The following CHST5 variants were observed in gnomAD, a reference collection of about 807,000 sequenced individuals.
CHST5 encodes the protein carbohydrate sulfotransferase 5.
For missense variants in CHST5, 637 were observed against 602.1 expected (o/e 1.06, Z -0.61); for synonymous variants, 313 against 279.2 (o/e 1.12, Z -1.21).
In CHST5 at chr16:75,531,176, G is replaced by A. The variant is rs1446761966; in HGVS notation, c.-792C>T. On this transcript the variant is annotated 5_prime_UTR_variant, in exon 4 of 4. Transcript: ENST00000336257. The stretch of plus-strand genomic sequence containing the variant: ...TCTCTACTAAAAATACAAAAAATTA[G>A]CCAGGCGTGATGGTGGGCGCCTGTA... 1 of 608,566 alleles carries A rather than the reference G, an allele frequency of 1.6e-6. No homozygotes were observed. Among genetic ancestry groups the A allele is most frequent in the Non-Finnish European group, 2.1e-6 (1 of 478,674 alleles). The allele number at this position is 608,566 out of a possible 1,614,324, so 37.7% of individuals were successfully genotyped here. A position where few individuals can be genotyped will look rare whatever the true frequency, so the allele number is the denominator to read the frequency against.
rs1395822992 is a variant in CHST5, at chr16:75,530,795, T to A, written c.-411A>T. Reference sequence around the variant, plus strand: ...CGAGGTTGAATCCTGGCTCTGCCACTTCCTAGCCTATGATCTTGCTTATGA... The same window carrying A: ...CGAGGTTGAATCCTGGCTCTGCCACATCCTAGCCTATGATCTTGCTTATGA... On this transcript the variant is annotated 5_prime_UTR_variant, in exon 4 of 4. In the 5' UTR this introduces an upstream ATG that the reference lacks. Coordinates refer to ENST00000336257, the MANE Select transcript of CHST5 (RefSeq NM_024533.5). The A allele has an allele frequency of 9.7e-7, 1 of 1,026,396 alleles. No homozygotes were observed. Among genetic ancestry groups the A allele is most frequent in the Non-Finnish European group, 1.2e-6 (1 of 843,726 alleles). 63.6% of individuals were successfully genotyped at this position (1,026,396 alleles called of 1,614,324 possible). A position where few individuals can be genotyped will look rare whatever the true frequency, so the allele number is the denominator to read the frequency against.
In CHST5 at chr16:75,530,977, C is replaced by G; in HGVS notation, c.-593G>C. On this transcript the variant is annotated 5_prime_UTR_variant, in exon 4 of 4. Transcript: ENST00000336257. ...GTCATGCCCATAACTGAGGATTGCA[C>G]CTTTTACAAGGTGTGCTTCTGTATT... The G allele has an allele frequency of 1.0e-6, 1 of 1,002,124 alleles. No individual in the cohort carries two copies. Among genetic ancestry groups the G allele is most frequent in the Non-Finnish European group, 1.2e-6 (1 of 831,354 alleles). The allele number at this position is 1,002,124 out of a possible 1,614,324, so 62.1% of individuals were successfully genotyped here.
chr16:75,529,269 G>A lies in CHST5; in HGVS notation c.1116C>T (p.Ala372=), dbSNP rs777059070. The part of the protein sequence containing the change: ...TKILRVQEVC[A]GALQLLGYRP... ...GGTAGCCCAGCAGCTGCAGCGCGCC[G>A]GCGCACACCTCCTGCACGCGCAGGA... Residue 372 remains alanine, a synonymous_variant, in exon 4 of 4, where the codon GCC becomes GCT. Transcript: ENST00000336257. 5.6e-6 allele frequency: 9 copies of A among 1,612,972 alleles called. No homozygotes were observed. Among genetic ancestry groups the A allele is most frequent in the South Asian group, 5.5e-5 (5 of 91,062 alleles).
rs1473846993 is a variant in CHST5 at position 75,533,109 on chromosome 16, A to G, written c.-1277T>C. 1 of 702,032 alleles carries G rather than the reference A, an allele frequency of 1.4e-6. No homozygotes were observed. The allele number at this position is 702,032 out of a possible 1,614,324, so 43.5% of individuals were successfully genotyped here. On this transcript the variant is annotated 5_prime_UTR_variant, in exon 3 of 4. Coordinates refer to ENST00000336257, the MANE Select transcript of CHST5 (RefSeq NM_024533.5). Reference sequence around the variant, plus strand: ...GTTACCTGTGTTCCAGGAAAGCCAGAGGTCTTCTTAAGGTGGTTGAATCAC... The same window carrying G: ...GTTACCTGTGTTCCAGGAAAGCCAGGGGTCTTCTTAAGGTGGTTGAATCAC...
At chr16:75,534,624 G>C (rs1200538048) in intron 2 of CHST5, among the ~76,000 whole-genome samples, 3 of 152,190 alleles carry the variant, frequency 2.0e-5, no homozygotes, top group Non-Finnish European at 4.4e-5. Context: ...CTGGGTGACA[G>C]AGCGAGACTC....
At chr16:75,533,957 T>C (rs2080543024) in intron 2 of CHST5, among the ~76,000 whole-genome samples, 1 of 146,268 alleles carries the variant, frequency 6.8e-6, no homozygotes, top group African/African-American at 2.6e-5. Context: ...GAGAGTAGCT[T>C]GAACCCAGGA....
At chr16:75,535,564 T>C (rs74027409) in intron 1 of CHST5, among the ~76,000 whole-genome samples, 155 bp from the exon 2 acceptor site, 5,467 of 152,298 alleles carry the variant, frequency 0.036, 157 homozygotes, top group African/African-American at 0.08. Context: ...CCCTCGGCGC[T>C]GCCCCGCAAT....
rs1341769014 is a variant in CHST5, at chr16:75,530,037, G to T, written c.348C>A (p.Asp116Glu). 6.2e-7 allele frequency: 1 copy of T among 1,613,328 alleles called. No homozygotes were observed. Among genetic ancestry groups the T allele is most frequent in the African/African-American group, 1.3e-5 (1 of 74,940 alleles). Residue 116 changes from aspartate (D) to glutamate (E), a missense_variant, in exon 4 of 4, where the codon GAC (aspartate) becomes GAA (glutamate). Transcript: ENST00000336257. ...SAATLHMAVR[D>E]LMRSIFLCDM... ...CGCACAAAAAGATAGAGCGCATCAGGTCGCGCACGGCCATGTGCAGCGTTG... is the reference window on the plus strand; with the variant it reads ...CGCACAAAAAGATAGAGCGCATCAGTTCGCGCACGGCCATGTGCAGCGTTG...
Position 75,532,974 on chromosome 16 carries a change from T to C in CHST5, c.-1257+115A>G, listed in dbSNP as rs994029969. On this transcript the variant is annotated intron_variant, in intron 3 of 3. Coordinates refer to ENST00000336257, the MANE Select transcript of CHST5 (RefSeq NM_024533.5). ...GGCTGTGGGCCTCTCCCACCTGTGA[T>C]TGCCCCCTGCAGAGTGCAGGACCCT... is the stretch of plus-strand genomic sequence containing the variant. The C allele has an allele frequency of 6.0e-5, 34 of 564,778 alleles. 1 individual carries two copies. The highest frequency in any genetic ancestry group is 4.6e-4 in the Middle Eastern group (1 of 2,186). 35.0% of individuals were successfully genotyped at this position (564,778 alleles called of 1,614,324 possible). A position where few individuals can be genotyped will look rare whatever the true frequency, so the allele number is the denominator to read the frequency against.
In CHST5 at chr16:75,529,029, C is replaced by T; in HGVS notation, c.*120G>A. 8.7e-7 allele frequency: 1 copy of T among 1,148,310 alleles called. No homozygotes were observed. The highest frequency in any genetic ancestry group is 2.6e-5 in the East Asian group (1 of 38,488). The allele number at this position is 1,148,310 out of a possible 1,614,324, so 71.1% of individuals were successfully genotyped here. ...CCTTGCCTACTTCAGGGGAGGACCC[C>T]AAACTCCCGGTTGATAGTAGGGACC... On this transcript the variant is annotated 3_prime_UTR_variant, in exon 4 of 4. Transcript: ENST00000336257.
At position 75,529,395 on chromosome 16, in the gene CHST5, G is replaced by C. The variant is rs753391347; in HGVS notation, c.990C>G (p.His330Gln). 6.2e-7 allele frequency: 1 copy of C among 1,612,950 alleles called. No individual in the cohort carries two copies. Among genetic ancestry groups the C allele is most frequent in the Non-Finnish European group, 8.5e-7 (1 of 1,179,942 alleles). Residue 330 changes from histidine to glutamine, a missense_variant, in exon 4 of 4, where the codon CAC (histidine) becomes CAG (glutamine). By Grantham distance (24) the His-to-Gln change is conservative. Coordinates refer to ENST00000336257, the MANE Select transcript of CHST5 (RefSeq NM_024533.5). The part of the protein sequence containing the change: ...QLEAWIHNIT[H>Q]GSGIGKPIEA... ...CGATTGGCTTGCCGATCCCCGACCC[G>C]TGGGTGATGTTGTGGATCCAGGCCT...
At position 75,531,337 on chromosome 16, in the gene CHST5, AC is replaced by A. The variant is rs149135421; in HGVS notation, c.-954del. 1.6e-4 allele frequency: 161 copies of A among 1,001,616 alleles called. No homozygotes were observed. The highest frequency in any genetic ancestry group is 9.8e-4 in the Middle Eastern group (2 of 2,036). The allele number at this position is 1,001,616 out of a possible 1,614,324, so 62.0% of individuals were successfully genotyped here. A position where few individuals can be genotyped will look rare whatever the true frequency, so the allele number is the denominator to read the frequency against. On this transcript the variant is annotated 5_prime_UTR_variant, in exon 4 of 4. The change creates a premature stop within an existing upstream ORF in the 5' untranslated region. Coordinates refer to ENST00000336257, the MANE Select transcript of CHST5 (RefSeq NM_024533.5). Reference sequence around the variant, plus strand: ...CTCCGTTTCAAAAAAAAAAAAAAAAACAACAAAAAAAAAACTTTTGTCATTA... The same window carrying A: ...CTCCGTTTCAAAAAAAAAAAAAAAAAAACAAAAAAAAAACTTTTGTCATTA...
Position 75,528,831 on chromosome 16 carries a change from A to G in CHST5, c.*318T>C. The G allele has an allele frequency of 4.4e-6, 1 of 228,612 alleles. No homozygotes were observed. Among genetic ancestry groups the G allele is most frequent in the Admixed American group, 5.1e-5 (1 of 19,738 alleles). 14.2% of individuals were successfully genotyped at this position (228,612 alleles called of 1,614,324 possible). Reference sequence around the variant, plus strand: ...TCAAAATGCTGGGATTACAGGCATGAGCCACCGCACCCGGCCTGGCACACA... The same window carrying G: ...TCAAAATGCTGGGATTACAGGCATGGGCCACCGCACCCGGCCTGGCACACA... On this transcript the variant is annotated 3_prime_UTR_variant, in exon 4 of 4. Transcript: ENST00000336257.
intron 2 of CHST5, among the ~76,000 whole-genome samples, 199 bp from the exon 3 acceptor site, chr16:75,533,382 G>A (rs2151692588): frequency 6.6e-6 from 1 of 152,196 alleles, no homozygotes; most frequent in Non-Finnish European, 1.5e-5. Context: ...TTAATACCCA[G>A]TAAGAAAGAG....
chr16:75,529,646 C>T lies in CHST5; in HGVS notation c.739G>A (p.Val247Met), dbSNP rs1428177979. ...ACCCACTTGCCGTTGGTGCCCAGCACGATGCCGTTGTCGCGTGCCAGTATC... is the reference window on the plus strand; with the variant it reads ...ACCCACTTGCCGTTGGTGCCCAGCATGATGCCGTTGTCGCGTGCCAGTATC... ...GPILARDNGI[V>M]LGTNGKWVEA... is the part of the protein sequence containing the mutation. The change falls in exon 4 of 4, where the codon GTG (valine) becomes ATG (methionine). Residue 247 changes from valine to methionine, a missense_variant. Transcript: ENST00000336257. 6.2e-7 allele frequency: 1 copy of T among 1,611,164 alleles called. No homozygotes were observed.
At chr16:75,534,577 G>C (rs1320563531) in intron 2 of CHST5, among the ~76,000 whole-genome samples, 2 of 152,214 alleles carry the variant, frequency 1.3e-5, no homozygotes, top group African/African-American at 4.8e-5. Context: ...CAGGAGACAG[G>C]TTGCAGTGAG....
rs1384091520 is a variant in CHST5, at chr16:75,531,438, G to A, written c.-1054C>T. The stretch of plus-strand genomic sequence containing the variant: ...ACTGGTGGGGAGTGAAGTGCTGTAG[G>A]CAGCATGGGCTCCAGAAGGAGGGTG... On this transcript the variant is annotated 5_prime_UTR_variant, in exon 4 of 4. Coordinates refer to ENST00000336257, the MANE Select transcript of CHST5 (RefSeq NM_024533.5). 6.4e-5 allele frequency: 79 copies of A among 1,227,924 alleles called. No individual in the cohort carries two copies. Among genetic ancestry groups the A allele is most frequent in the Non-Finnish European group, 7.7e-5 (73 of 948,876 alleles). 76.1% of individuals were successfully genotyped at this position (1,227,924 alleles called of 1,614,324 possible). A position where few individuals can be genotyped will look rare whatever the true frequency, so the allele number is the denominator to read the frequency against.
Position 75,530,554 on chromosome 16 carries a change from G to A in CHST5, c.-170C>T. 1 of 1,435,240 alleles carries A rather than the reference G, an allele frequency of 7.0e-7. No homozygotes were observed. The highest frequency in any genetic ancestry group is 9.2e-7 in the Non-Finnish European group (1 of 1,092,756). The allele number at this position is 1,435,240 out of a possible 1,614,324, so 88.9% of individuals were successfully genotyped here. ...CTGTGCTCACAGCAGAAGTCCAGTT[G>A]CAGAATAATGTGGGATATCATCAAA... On this transcript the variant is annotated 5_prime_UTR_variant, in exon 4 of 4. It introduces an in-frame stop codon into an upstream open reading frame of the 5' UTR. Coordinates refer to ENST00000336257, the MANE Select transcript of CHST5 (RefSeq NM_024533.5).
Position 75,531,047 on chromosome 16 carries a change from G to A in CHST5, c.-663C>T. The A allele has an allele frequency of 1.0e-6, 1 of 1,001,146 alleles. No individual in the cohort carries two copies. The highest frequency in any genetic ancestry group is 1.2e-6 in the Non-Finnish European group (1 of 830,838). 62.0% of individuals were successfully genotyped at this position (1,001,146 alleles called of 1,614,324 possible). A position where few individuals can be genotyped will look rare whatever the true frequency, so the allele number is the denominator to read the frequency against. ...CAGGTATAAAACTTTTGTCAGCCAG[G>A]CGCGGTGGCTCACGCCTGTAATCCC... is the stretch of plus-strand genomic sequence containing the variant. On this transcript the variant is annotated 5_prime_UTR_variant, in exon 4 of 4. Coordinates refer to ENST00000336257, the MANE Select transcript of CHST5 (RefSeq NM_024533.5).
Sources: gnomAD v4.1 joint callset for allele counts (sites outside exome capture counted in the v4.1 genomes callset) on GRCh38, gnomAD v4.1.1 for gene constraint, MANE v1.5 for transcripts, NCBI Gene and HGNC (gene_info 2026-07-23, HGNC 2026-07-21) for gene names.